KIAA1328: variants seen among roughly 807,000 people sequenced by gnomAD.
KIAA1328 encodes protein hinderin.
Under a neutral mutation model 68.1 loss-of-function variants are expected in KIAA1328, and 52 were observed. The ratio of observed to expected loss-of-function variants is 0.76; its 90% CI spans 0.61 to 0.96. The LOEUF (loss-of-function observed/expected upper bound fraction) is 0.96. KIAA1328 is among the 40% of genes least tolerant of loss of function. The pLI, the probability that KIAA1328 is intolerant of heterozygous loss-of-function variation, is 0.00. For missense variants in KIAA1328, 641 were observed against 677.6 expected (o/e 0.95, Z 0.60); for synonymous variants, 232 against 239.4 (o/e 0.97, Z 0.28).
intron 5 of KIAA1328, among the ~76,000 whole-genome samples, chr18:36,889,351 A>C (rs1382457935): frequency 6.6e-6 from 1 of 152,248 alleles, no homozygotes; most frequent in Non-Finnish European, 1.5e-5. Context: ...GTAATAGTGT[A>C]AGACACAGAG....
chr18:37,084,139 C>G, intron 7 of KIAA1328: 1 of 1,494,626 alleles, frequency 6.7e-7, no homozygotes. Context: ...AAAGCTCAGG[C>G]TCTGTTTAAG....
intron 7 of KIAA1328, among the ~76,000 whole-genome samples, chr18:37,103,984 G>GT (rs2057699642): frequency 6.6e-6 from 1 of 152,096 alleles, no homozygotes; most frequent in Admixed American, 6.6e-5. Flanking sequence ...TCTCACCCCA[G>GT]TTAGCAGGGC....
intron 7 of KIAA1328, among the ~76,000 whole-genome samples, chr18:37,116,515 A>G (rs892045980): frequency 5.3e-5 from 8 of 152,360 alleles, no homozygotes; most frequent in African/African-American, 1.9e-4. Flanking sequence ...TTAATTCAAG[A>G]TGGATTAAAG....
At position 37,211,634 on chromosome 18, in the gene KIAA1328, T is replaced by C. The variant is rs111382413; in HGVS notation, c.1524-10383T>C. On this transcript the variant is annotated intron_variant, in intron 9 of 9. Coordinates refer to ENST00000280020, the MANE Select transcript of KIAA1328 (RefSeq NM_020776.3). ...AAAATAATTGAACTGTATTAAGCCATTGGAATTCTGAAGGTAATTTGCTAT... is the reference window on the plus strand; with the variant it reads ...AAAATAATTGAACTGTATTAAGCCACTGGAATTCTGAAGGTAATTTGCTAT... 3.6e-3 allele frequency among the ~76,000 whole-genome samples: 543 copies of C among 152,350 alleles called. 4 individuals carry two copies. The highest frequency in any genetic ancestry group is 0.012 in the African/African-American group (512 of 41,574).
intron 7 of KIAA1328, among the ~76,000 whole-genome samples, chr18:37,104,749 C>T (rs115623155): frequency 0.13 from 20,261 of 150,754 alleles, 1,720 homozygotes; most frequent in Admixed American, 0.18. Context: ...AATATATGTA[C>T]CCCATAGATA....
At chr18:36,832,661 A>C (rs1044193324) in intron 1 of KIAA1328, 1 of 151,976 alleles carries the variant, frequency 6.6e-6, no homozygotes, top group African/African-American at 2.4e-5. Flanking sequence ...TTGTTGGACA[A>C]CACCTCATAA....
At chr18:37,139,427 G>A (rs749456324) in intron 7 of KIAA1328, among the ~76,000 whole-genome samples, 2 of 152,174 alleles carry the variant, frequency 1.3e-5, no homozygotes, top group Non-Finnish European at 2.9e-5. Flanking sequence ...TGGCAGCCAA[G>A]TATGCCCAGA....
chr18:37,153,307 G>A lies in KIAA1328; in HGVS notation c.1233-6893G>A, dbSNP rs555211131. Reference sequence around the variant, plus strand: ...TTAAACTCACTCCTTGTGTGTCTGCGTCATTGATTTCCTTGGCTTAGGGCA... The same window carrying A: ...TTAAACTCACTCCTTGTGTGTCTGCATCATTGATTTCCTTGGCTTAGGGCA... On this transcript the variant is annotated intron_variant, in intron 7 of 9. Coordinates refer to ENST00000280020, the MANE Select transcript of KIAA1328 (RefSeq NM_020776.3). Among the ~76,000 whole-genome samples, 43 of 152,164 alleles carry A rather than the reference G, an allele frequency of 2.8e-4. 1 individual carries two copies. In the South Asian group the frequency reaches 4.4e-3, roughly 15 times the overall value.
chr18:36,885,780 C>A, intron 5 of KIAA1328, 108 bp downstream of exon 5: 1 of 647,086 alleles, frequency 1.5e-6, no homozygotes, highest in Non-Finnish European at 2.6e-6. Flanking sequence ...TGCAATGGTG[C>A]GATTTCAGTT....
intron 6 of KIAA1328, among the ~76,000 whole-genome samples, chr18:36,962,267 C>T (rs933970940): frequency 6.6e-6 from 1 of 152,134 alleles, no homozygotes; most frequent in Non-Finnish European, 1.5e-5. Flanking sequence ...ACAAGAAAAG[C>T]TAACTATCCT....
At chr18:36,903,328 A>G (rs1234568083) in intron 5 of KIAA1328, among the ~76,000 whole-genome samples, 5 of 152,136 alleles carry the variant, frequency 3.3e-5, no homozygotes, top group Non-Finnish European at 7.4e-5. Context: ...TCTGTTTAAA[A>G]TACAATGGAA....
intron 6 of KIAA1328, among the ~76,000 whole-genome samples, chr18:36,985,507 A>T (rs2052882524): frequency 6.6e-6 from 1 of 152,220 alleles, no homozygotes; most frequent in Non-Finnish European, 1.5e-5. Context: ...AGATAGACAA[A>T]TCAGTAAAAC....
rs567216474 is a variant in KIAA1328 at position 36,914,978 on chromosome 18, A to C, written c.448+29306A>C. On this transcript the variant is annotated intron_variant, in intron 5 of 9. Transcript: ENST00000280020. The stretch of plus-strand genomic sequence containing the variant: ...ATAGTGAAGATGTTAATTATCCTGG[A>C]TTGGTAAGGAGATCCCAATCAAAAT... Among the ~76,000 whole-genome samples the C allele has an allele frequency of 3.3e-5, 5 of 152,330 alleles. No individual in the cohort carries two copies. In the South Asian group the frequency reaches 1.0e-3, roughly 32 times the overall value.
At chr18:37,132,315 C>T (rs1209704702) in intron 7 of KIAA1328, among the ~76,000 whole-genome samples, 1 of 152,122 alleles carries the variant, frequency 6.6e-6, no homozygotes, top group East Asian at 1.9e-4. Context: ...TTGTTGTTAT[C>T]GAGTGTAATA....
chr18:36,990,914 A>G (rs2053151553), intron 6 of KIAA1328, among the ~76,000 whole-genome samples: 1 of 152,136 alleles, frequency 6.6e-6, no homozygotes, highest in African/African-American at 2.4e-5. Flanking sequence ...AGTAATGAGA[A>G]TGGCAGCCTT....
At chr18:37,197,406 A>G (rs1375385701) in intron 9 of KIAA1328, among the ~76,000 whole-genome samples, 2 of 152,130 alleles carry the variant, frequency 1.3e-5, no homozygotes, top group Admixed American at 1.3e-4. Flanking sequence ...AATGGTATGA[A>G]GTGGAAATTT....
chr18:37,186,655 C>T (rs556309760), intron 9 of KIAA1328, among the ~76,000 whole-genome samples: 2 of 151,202 alleles, frequency 1.3e-5, no homozygotes, highest in South Asian at 4.2e-4. Flanking sequence ...TATGTTCTCA[C>T]CAAATCATCT....
intron 6 of KIAA1328, among the ~76,000 whole-genome samples, chr18:36,998,315 T>C (rs988344566): frequency 1.3e-5 from 2 of 152,120 alleles, no homozygotes; most frequent in Non-Finnish European, 1.5e-5. Flanking sequence ...TGGTGACTGG[T>C]GTGCCCAGCC....
At chr18:36,834,758 A>T (rs1380735229) in intron 2 of KIAA1328, among the ~76,000 whole-genome samples, 1 of 152,198 alleles carries the variant, frequency 6.6e-6, no homozygotes, top group Admixed American at 6.5e-5. Flanking sequence ...TATTGAAGGC[A>T]CCCTCATTAT....
Sources: gnomAD v4.1 joint callset for allele counts (sites outside exome capture counted in the v4.1 genomes callset) on GRCh38, gnomAD v4.1.1 for gene constraint, MANE v1.5 for transcripts, NCBI Gene and HGNC (gene_info 2026-07-23, HGNC 2026-07-21) for gene names.